HNRNPF: variants seen among roughly 807,000 people sequenced by gnomAD.
HNRNPF encodes heterogeneous nuclear ribonucleoprotein F.
In HNRNPF, 2 loss-of-function variants were observed where a neutral mutation model predicts 26.0. The ratio of observed to expected loss-of-function variants is 0.08; its 90% CI spans 0.03 to 0.24. The LOEUF (loss-of-function observed/expected upper bound fraction) is 0.24. Ranked by LOEUF, HNRNPF falls within the 10% of genes least tolerant of loss-of-function variation. HNRNPF has a pLI of 1.00. For missense variants in HNRNPF, 299 were observed against 539.2 expected (o/e 0.55, Z 4.41); for synonymous variants, 234 against 211.5 (o/e 1.11, Z -0.92).
chr10:43,406,641 G>A (rs12764252), intron 1 of HNRNPF, among the ~76,000 whole-genome samples: 5 of 151,082 alleles, frequency 3.3e-5, no homozygotes, highest in Admixed American at 2.0e-4. Flanking sequence ...GCAGCGAGCC[G>A]AGATCACACC....
At chr10:43,407,796 C>A (rs1283093873) in intron 1 of HNRNPF, 1 of 152,182 alleles carries the variant, frequency 6.6e-6, no homozygotes, top group African/African-American at 2.4e-5. Flanking sequence ...GGCCCGGGGC[C>A]GAGAGCTAAG....
intron 3 of HNRNPF, among the ~76,000 whole-genome samples, chr10:43,393,944 A>G (rs1838357428): frequency 6.6e-6 from 1 of 152,200 alleles, no homozygotes; most frequent in Non-Finnish European, 1.5e-5. Flanking sequence ...CTAATCCTTA[A>G]GGTCTAAGCT....
At position 43,385,988 on chromosome 10, in the gene HNRNPF, T is replaced by G. The variant is rs941105096; in HGVS notation, c.*649A>C. On this transcript the variant is annotated 3_prime_UTR_variant, in exon 4 of 4. Coordinates refer to ENST00000682386, the MANE Select transcript of HNRNPF (RefSeq NM_001098204.2). ...AATGAATTATCTTCAACCACCCGTT[T>G]TGCTATCTTTTGCTGAGTAATCTGT... 1 of 152,690 alleles carries G rather than the reference T, an allele frequency of 6.5e-6. No individual in the cohort carries two copies. Among genetic ancestry groups the G allele is most frequent in the African/African-American group, 2.4e-5 (1 of 41,468 alleles). The allele number at this position is 152,690 out of a possible 1,614,324, so 9.5% of individuals were successfully genotyped here.
At chr10:43,408,928 C>CCAAT (rs1839017572) in intron 1 of HNRNPF, 1 of 152,506 alleles carries the variant, frequency 6.6e-6, no homozygotes, top group African/African-American at 2.4e-5. Context: ...GCTGCCGGCC[C>CCAAT]CAATCCTCAG....
chr10:43,388,244 T>C (rs191941483), intron 3 of HNRNPF, among the ~76,000 whole-genome samples: 40 of 152,340 alleles, frequency 2.6e-4, no homozygotes, highest in East Asian at 2.1e-3. Flanking sequence ...TGATAATATG[T>C]GGCAGTTCAC....
Position 43,386,387 on chromosome 10 carries a change from A to G in HNRNPF, c.*250T>C. 2.4e-6 allele frequency: 1 copy of G among 410,838 alleles called. No individual in the cohort carries two copies. The highest frequency in any genetic ancestry group is 4.3e-6 in the Non-Finnish European group (1 of 232,396). The allele number at this position is 410,838 out of a possible 1,614,324, so 25.4% of individuals were successfully genotyped here. A position where few individuals can be genotyped will look rare whatever the true frequency, so the allele number is the denominator to read the frequency against. Reference sequence around the variant, plus strand: ...ATACTTAAACTACTTAAACTTAGATAACATCACTCTGAAGTATACTACCAA... The same window carrying G: ...ATACTTAAACTACTTAAACTTAGATGACATCACTCTGAAGTATACTACCAA... On this transcript the variant is annotated 3_prime_UTR_variant, in exon 4 of 4. Coordinates refer to ENST00000682386, the MANE Select transcript of HNRNPF (RefSeq NM_001098204.2).
chr10:43,395,930 C>G (rs76889847), intron 2 of HNRNPF, among the ~76,000 whole-genome samples: 2 of 152,140 alleles, frequency 1.3e-5, no homozygotes, highest in East Asian at 1.9e-4. Context: ...CTGGTCTCCC[C>G]GTCCGCAGCG....
intron 3 of HNRNPF, among the ~76,000 whole-genome samples, chr10:43,391,787 T>G (rs1257800758): frequency 6.6e-6 from 1 of 152,174 alleles, no homozygotes; most frequent in Non-Finnish European, 1.5e-5. Context: ...CCTTTTCCCC[T>G]TTCTCCACTG....
At chr10:43,405,939 G>T (rs1217042615) in intron 1 of HNRNPF, among the ~76,000 whole-genome samples, 1 of 152,000 alleles carries the variant, frequency 6.6e-6, no homozygotes, top group East Asian at 1.9e-4. Flanking sequence ...GGCAGGGGAG[G>T]GGTGTCCCGG....
At chr10:43,389,829 A>G (rs889865442) in intron 3 of HNRNPF, among the ~76,000 whole-genome samples, 4 of 152,256 alleles carry the variant, frequency 2.6e-5, no homozygotes, top group Non-Finnish European at 4.4e-5. Context: ...GGAACATGGA[A>G]GCCTCTGGGA....
intron 1 of HNRNPF, among the ~76,000 whole-genome samples, chr10:43,407,552 G>A (rs1468930088): frequency 6.6e-6 from 1 of 152,106 alleles, no homozygotes; most frequent in Non-Finnish European, 1.5e-5. Flanking sequence ...TGGGGGAGCC[G>A]GGCAGCCGGC....
At chr10:43,403,838 CAAA>C (rs1187069026) in intron 1 of HNRNPF, among the ~76,000 whole-genome samples, 1 of 149,362 alleles carries the variant, frequency 6.7e-6, no homozygotes, top group South Asian at 2.1e-4. Flanking sequence ...ACAAAAAATA[CAAA>C]AAAAAATAGC....
chr10:43,392,181 A>G (rs1483245736), intron 3 of HNRNPF, among the ~76,000 whole-genome samples: 1 of 152,168 alleles, frequency 6.6e-6, no homozygotes, highest in Non-Finnish European at 1.5e-5. Flanking sequence ...AGGCAGGCAG[A>G]TCATTTGAGG....
chr10:43,396,844 T>TG (rs1183457645), intron 1 of HNRNPF: 5 of 71,228 alleles, frequency 7.0e-5, no homozygotes, highest in Non-Finnish European at 1.4e-4. Context: ...GCGGGGAGAG[T>TG]GGGGGCAGGG....
intron 1 of HNRNPF, among the ~76,000 whole-genome samples, chr10:43,398,316 C>G (rs1301853388): frequency 6.6e-6 from 1 of 151,106 alleles, no homozygotes; most frequent in Non-Finnish European, 1.5e-5. Flanking sequence ...GAGCCCCATG[C>G]CCGGCCTGTT....
intron 1 of HNRNPF, among the ~76,000 whole-genome samples, chr10:43,399,793 A>C (rs1264243601): frequency 6.6e-6 from 1 of 152,252 alleles, no homozygotes; most frequent in Non-Finnish European, 1.5e-5. Flanking sequence ...TAAAAGATAC[A>C]GGAACTGTAG....
chr10:43,396,962 G>A (rs1306679412), intron 1 of HNRNPF: 2 of 151,478 alleles, frequency 1.3e-5, no homozygotes, highest in African/African-American at 4.8e-5. Flanking sequence ...CGAGAGCGAG[G>A]GCGACGGCAA....
At chr10:43,407,438 G>A (rs1838959777) in intron 1 of HNRNPF, among the ~76,000 whole-genome samples, 1 of 152,100 alleles carries the variant, frequency 6.6e-6, no homozygotes, top group African/African-American at 2.4e-5. Flanking sequence ...CCGAGCGGGG[G>A]TCCCAGGCGC....
chr10:43,388,554 G>T (rs977419606), intron 3 of HNRNPF, among the ~76,000 whole-genome samples: 1 of 152,206 alleles, frequency 6.6e-6, no homozygotes, highest in Admixed American at 6.5e-5. Flanking sequence ...AGGCCAAACT[G>T]ATGACATATA....
Sources: gnomAD v4.1 joint callset for allele counts (sites outside exome capture counted in the v4.1 genomes callset) on GRCh38, gnomAD v4.1.1 for gene constraint, MANE v1.5 for transcripts, NCBI Gene and HGNC (gene_info 2026-07-23, HGNC 2026-07-21) for gene names.